SOX6: variants seen among roughly 807,000 people sequenced by gnomAD.
The protein encoded by SOX6 is transcription factor SOX-6.
SOX6 carries 11 observed loss-of-function variants against 97.8 expected under a neutral mutation model. The observed-to-expected ratio is 0.11, with a 90% CI of 0.07 to 0.19. The LOEUF is 0.19. SOX6 is among the 10% of genes least tolerant of loss of function. SOX6 has a pLI of 1.00. For missense variants in SOX6, 810 were observed against 1,039.5 expected (o/e 0.78, Z 3.04); for synonymous variants, 360 against 371.4 (o/e 0.97, Z 0.35).
intron 4 of SOX6, among the ~76,000 whole-genome samples, chr11:16,486,814 C>G (rs921174340): frequency 2.0e-4 from 31 of 152,092 alleles, no homozygotes; most frequent in African/African-American, 7.5e-4. Context: ...CGCCACTGCA[C>G]TCTGGCCTGG....
chr11:16,171,508 G>T (rs565656709), intron 6 of SOX6, among the ~76,000 whole-genome samples: 57 of 151,994 alleles, frequency 3.8e-4, no homozygotes, highest in South Asian at 1.2e-3. Context: ...TCATATTTTT[G>T]TATCCCAAAT....
rs184152923 is a variant in SOX6, at chr11:15,972,852, T to C, written c.2444A>G (p.Tyr815Cys). The C allele has an allele frequency of 2.9e-5, 47 of 1,614,258 alleles. No individual in the cohort carries two copies. In the Middle Eastern group the frequency reaches 4.9e-4, roughly 17 times the overall value. Residue 815 changes from tyrosine to cysteine, a missense_variant, in exon 16 of 16, where the codon TAT becomes TGT. By Grantham distance (194) the Tyr-to-Cys change is radical (BLOSUM62 -2). Coordinates refer to ENST00000683767, the MANE Select transcript of SOX6 (RefSeq NM_001367873.1). ...CTCCGGGGCTTCATTTTCACTGCTA[T>C]AGTCTGATTTGGGGTCATCTTCATA... The part of the protein sequence containing the change: ...DDYEDDPKSD[Y>C]SSENEAPEAV...
At chr11:16,266,368 GAC>G (rs933234503) in intron 3 of SOX6, among the ~76,000 whole-genome samples, 3 of 151,410 alleles carry the variant, frequency 2.0e-5, no homozygotes, top group Non-Finnish European at 4.4e-5. Flanking sequence ...AAAAATTTTA[GAC>G]ACATAAAAGC....
At chr11:16,557,950 C>T (rs372515390) in intron 4 of SOX6, among the ~76,000 whole-genome samples, 5 of 151,720 alleles carry the variant, frequency 3.3e-5, no homozygotes, top group Non-Finnish European at 7.4e-5. Context: ...TACTAAAGAA[C>T]GCTGTTAAGT....
chr11:16,042,006 G>A (rs563281952), intron 12 of SOX6, among the ~76,000 whole-genome samples: 1 of 152,260 alleles, frequency 6.6e-6, no homozygotes, highest in East Asian at 1.9e-4. Context: ...AAGTGAGAAA[G>A]AATGTGATAT....
At chr11:16,729,254 A>G (rs1590067123) in intron 2 of SOX6, among the ~76,000 whole-genome samples, 1 of 152,204 alleles carries the variant, frequency 6.6e-6, no homozygotes, top group South Asian at 2.1e-4. Context: ...CCTCGAGAAG[A>G]GCAACCCCAA....
chr11:16,669,981 T>C (rs1280171861), intron 3 of SOX6, among the ~76,000 whole-genome samples: 2 of 152,182 alleles, frequency 1.3e-5, no homozygotes, highest in Non-Finnish European at 2.9e-5. Context: ...TGAGTCATTA[T>C]GCTGGCATCC....
intron 4 of SOX6, among the ~76,000 whole-genome samples, chr11:16,507,227 T>A (rs1214326088): frequency 6.6e-6 from 1 of 152,142 alleles, no homozygotes; most frequent in African/African-American, 2.4e-5. Context: ...CAGAAGCCTG[T>A]ATAGCCTGCA....
At chr11:16,343,842 C>A (rs750748182) in intron 1 of SOX6, among the ~76,000 whole-genome samples, 1 of 151,876 alleles carries the variant, frequency 6.6e-6, no homozygotes, top group African/African-American at 2.4e-5. Context: ...TAACATCTCA[C>A]AATTTGTCTT....
intron 13 of SOX6, among the ~76,000 whole-genome samples, chr11:16,000,785 T>C (rs887519001): frequency 6.6e-6 from 1 of 152,146 alleles, no homozygotes; most frequent in East Asian, 1.9e-4. Flanking sequence ...AAAGGCCTAG[T>C]TATATATAAT....
chr11:16,543,125 T>A (rs1307391337), intron 4 of SOX6, among the ~76,000 whole-genome samples: 2 of 152,132 alleles, frequency 1.3e-5, no homozygotes, highest in Non-Finnish European at 2.9e-5. Context: ...CCAGGCAATG[T>A]ACATTATTAA....
chr11:16,371,149 C>T (rs1440965085), intron 1 of SOX6, among the ~76,000 whole-genome samples: 1 of 151,990 alleles, frequency 6.6e-6, no homozygotes, highest in African/African-American at 2.4e-5. Context: ...TTATTTCCCC[C>T]CTTCACTCAT....
chr11:16,415,865 G>A (rs1030874919), intron 1 of SOX6, among the ~76,000 whole-genome samples: 1 of 152,130 alleles, frequency 6.6e-6, no homozygotes, highest in Non-Finnish European at 1.5e-5. Flanking sequence ...CCTCCTGAGT[G>A]TATCGATTCC....
chr11:16,287,296 T>A (rs61883177), intron 3 of SOX6, among the ~76,000 whole-genome samples: 89,233 of 119,498 alleles, frequency 0.75, 32,661 homozygotes, highest in Middle Eastern at 0.81. Context: ...TCTCTCTCTC[T>A]CTCACACACA....
At chr11:16,503,795 A>T (rs924321051) in intron 4 of SOX6, among the ~76,000 whole-genome samples, 10 of 152,176 alleles carry the variant, frequency 6.6e-5, no homozygotes, top group Non-Finnish European at 1.3e-4. Context: ...CTGTAATCCC[A>T]GCACTTTGGG....
Position 16,239,862 on chromosome 11 carries a change from C to T in SOX6, c.446-5191G>A, listed in dbSNP as rs541814188. ...CTGGTCCTAATTTTTCATTTTACTC[C>T]TCCATAACACCCCTCCCCCATTACC... On this transcript the variant is annotated intron_variant, in intron 3 of 15. Transcript: ENST00000683767. Among the ~76,000 whole-genome samples, 17 of 152,092 alleles carry T rather than the reference C, an allele frequency of 1.1e-4. No individual in the cohort carries two copies. In the South Asian group the frequency reaches 3.3e-3, roughly 30 times the overall value.
chr11:16,367,031 G>A (rs977846933), intron 1 of SOX6, among the ~76,000 whole-genome samples: 1 of 152,128 alleles, frequency 6.6e-6, no homozygotes, highest in Non-Finnish European at 1.5e-5. Flanking sequence ...TCTGATATTT[G>A]CTAGAATAAC....
At chr11:16,704,594 A>G (rs1848117815) in intron 3 of SOX6, among the ~76,000 whole-genome samples, 1 of 152,232 alleles carries the variant, frequency 6.6e-6, no homozygotes, top group Non-Finnish European at 1.5e-5. Flanking sequence ...CAACAAATAC[A>G]TGTGGAATGA....
chr11:16,063,513 T>A (rs1848013430), intron 9 of SOX6, among the ~76,000 whole-genome samples: 1 of 45,980 alleles, frequency 2.2e-5, no homozygotes, highest in Non-Finnish European at 4.2e-5. Flanking sequence ...TATATATATA[T>A]ATATATATAT....
Sources: gnomAD v4.1 joint callset for allele counts (sites outside exome capture counted in the v4.1 genomes callset) on GRCh38, gnomAD v4.1.1 for gene constraint, MANE v1.5 for transcripts, NCBI Gene and HGNC (gene_info 2026-07-23, HGNC 2026-07-21) for gene names.